Variants in CMYA5 observed in about 807,000 individuals in gnomAD.
CMYA5 encodes the protein cardiomyopathy associated 5.
A neutral mutation model predicts 318.9 loss-of-function variants in CMYA5; 246 were observed. That is an observed-to-expected ratio of 0.77 (90% confidence interval 0.70 to 0.86). The LOEUF (loss-of-function observed/expected upper bound fraction) is 0.86. Ranked by LOEUF, CMYA5 falls within the 40% of genes least tolerant of loss-of-function variation. The pLI is 0.00. For synonymous variants in CMYA5, 1,641 were observed against 1,729.5 expected (o/e 0.95, Z 1.27); for missense variants, 4,589 against 4,678.2 (o/e 0.98, Z 0.56).
At position 79,699,179 on chromosome 5, in the gene CMYA5, A is replaced by AAC. The variant is rs1827130648; in HGVS notation, c.149+9124_149+9125insCA. On this transcript the variant is annotated intron_variant, in intron 1 of 12. Coordinates refer to ENST00000446378, the MANE Select transcript of CMYA5 (RefSeq NM_153610.5). ...TCTCAAACAACAACAACAACAACAA[A>AAC]AAAAGAAAAGAAAAAGAGAAAAGAA... 8.1e-5 allele frequency among the ~76,000 whole-genome samples: 12 copies of AAC among 148,862 alleles called. No individual in the cohort carries two copies. The South Asian group carries it at 2.0e-3, about 24-fold the overall frequency.
chr5:79,739,521 G>C, intron 2 of CMYA5, 118 bp downstream of exon 2: 3 of 830,724 alleles, frequency 3.6e-6, no homozygotes, highest in Non-Finnish European at 5.1e-6. Flanking sequence ...AAGCAGAATG[G>C]TCTGAAAGCA....
chr5:79,755,030 G>A (rs1287914172), intron 6 of CMYA5, among the ~76,000 whole-genome samples: 1 of 152,028 alleles, frequency 6.6e-6, no homozygotes, highest in African/African-American at 2.4e-5. Flanking sequence ...TCATCCATTG[G>A]TGGATACTTG....
intron 1 of CMYA5, among the ~76,000 whole-genome samples, chr5:79,713,292 A>ACC (rs1443581485): frequency 1.7e-3 from 95 of 56,930 alleles, no homozygotes; most frequent in African/African-American, 6.0e-3. Context: ...ACCCCGCTGC[A>ACC]CCCCGCCCCC....
intron 1 of CMYA5, among the ~76,000 whole-genome samples, chr5:79,696,760 C>G (rs920252015): frequency 3.9e-5 from 6 of 152,264 alleles, no homozygotes; most frequent in Non-Finnish European, 7.4e-5. Context: ...AATCCCAGCA[C>G]TTAGGGAGGC....
In CMYA5 at chr5:79,739,188, C is replaced by G. The variant is rs1228888262; in HGVS notation, c.10423C>G (p.Pro3475Ala). The change falls in exon 2 of 13, where the codon CCT becomes GCT. Residue 3475 changes from proline to alanine, a missense_variant. By Grantham distance (27) the Pro-to-Ala change is conservative (BLOSUM62 -1). Coordinates refer to ENST00000446378, the MANE Select transcript of CMYA5 (RefSeq NM_153610.5). ...TGCGAGTGAGGCAGAACAAAGTACACCTGCTGAACAAAAAGAGTTGGGCAG... is the reference window on the plus strand; with the variant it reads ...TGCGAGTGAGGCAGAACAAAGTACAGCTGCTGAACAAAAAGAGTTGGGCAG... ...EFASEAEQST[P>A]AEQKELGSER... is the part of the protein sequence containing the mutation. 3.7e-6 allele frequency: 6 copies of G among 1,613,308 alleles called. No individual in the cohort carries two copies. In the East Asian group the frequency reaches 1.3e-4, roughly 36 times the overall value.
At chr5:79,741,698 T>C (rs1341715724) in intron 2 of CMYA5, among the ~76,000 whole-genome samples, 4 of 152,186 alleles carry the variant, frequency 2.6e-5, no homozygotes, top group Non-Finnish European at 5.9e-5. Context: ...TACTGAGCAC[T>C]GCCAGCAGAA....
Position 79,732,923 on chromosome 5 carries a change from A to C in CMYA5, c.4158A>C (p.Pro1386=). The C allele has an allele frequency of 3.1e-6, 5 of 1,613,784 alleles. No individual in the cohort carries two copies. The highest frequency in any genetic ancestry group is 4.2e-6 in the Non-Finnish European group (5 of 1,179,808). Residue 1386 remains proline (P), a synonymous_variant, in exon 2 of 13, where the codon CCA becomes CCC. Coordinates refer to ENST00000446378, the MANE Select transcript of CMYA5 (RefSeq NM_153610.5). ...CTCTTATCACTCCTGTAGATCGTCC[A>C]GTCTTAACAAAAGTAGGAAAGGGTG... ...DSSLITPVDR[P]VLTKVGKGEL...
chr5:79,702,562 G>C (rs1050656952), intron 1 of CMYA5, among the ~76,000 whole-genome samples: 1 of 152,102 alleles, frequency 6.6e-6, no homozygotes, highest in East Asian at 1.9e-4. Context: ...AATCTGTAGA[G>C]ACCCAGAGTA....
At chr5:79,722,335 T>G (rs1827655883) in intron 1 of CMYA5, among the ~76,000 whole-genome samples, 1 of 152,206 alleles carries the variant, frequency 6.6e-6, no homozygotes, top group Admixed American at 6.5e-5. Context: ...AGCACATGTC[T>G]TGACTTCACA....
At chr5:79,750,840 ATAGG>A (rs1426721886) in intron 5 of CMYA5, among the ~76,000 whole-genome samples, 1 of 152,210 alleles carries the variant, frequency 6.6e-6, no homozygotes, top group Non-Finnish European at 1.5e-5. Context: ...TTAAACTGGA[ATAGG>A]TTCGGTGCAT....
rs746975336 is a variant in CMYA5, at chr5:79,738,719, G to A, written c.9954G>A (p.Ala3318=). The part of the protein sequence containing the change: ...VDHVETVGNV[A]MQKKAPITED... ...ATGTGGAGACCGTTGGTAACGTAGC[G>A]ATGCAGAAGAAAGCTCCCATCACAG... Residue 3318 remains alanine, a synonymous_variant, in exon 2 of 13, where the codon GCG becomes GCA. Transcript: ENST00000446378. 33 of 1,613,796 alleles carry A rather than the reference G, an allele frequency of 2.0e-5. No homozygotes were observed. The highest frequency in any genetic ancestry group is 2.7e-5 in the African/African-American group (2 of 74,894).
At chr5:79,751,822 G>C (rs1828435271) in intron 5 of CMYA5, among the ~76,000 whole-genome samples, 1 of 152,198 alleles carries the variant, frequency 6.6e-6, no homozygotes, top group Admixed American at 6.5e-5. Flanking sequence ...GGAGGGGGCA[G>C]GCAAGGCTGT....
At chr5:79,727,682 T>C (rs1827776070) in intron 1 of CMYA5, among the ~76,000 whole-genome samples, 2 of 151,772 alleles carry the variant, frequency 1.3e-5, no homozygotes, top group South Asian at 4.2e-4. Context: ...CCTTAAGGAG[T>C]AGGTAGAATT....
intron 5 of CMYA5, among the ~76,000 whole-genome samples, chr5:79,747,341 C>T (rs961953275): frequency 5.9e-5 from 9 of 152,226 alleles, no homozygotes; most frequent in African/African-American, 2.2e-4. Context: ...TTTTTAACTG[C>T]TTCCTCAAGA....
At chr5:79,714,974 A>G (rs1827485411) in intron 1 of CMYA5, among the ~76,000 whole-genome samples, 1 of 152,144 alleles carries the variant, frequency 6.6e-6, no homozygotes, top group South Asian at 2.1e-4. Context: ...AAATGTTACT[A>G]ATTAACTGGG....
intron 1 of CMYA5, among the ~76,000 whole-genome samples, chr5:79,722,550 G>A (rs1038943866): frequency 4.6e-5 from 7 of 151,958 alleles, no homozygotes; most frequent in South Asian, 2.1e-4. Flanking sequence ...GGCGGCGCAT[G>A]CCTGTAATCC....
At chr5:79,766,529 T>G (rs2151096126) in intron 9 of CMYA5, among the ~76,000 whole-genome samples, 1 of 152,362 alleles carries the variant, frequency 6.6e-6, no homozygotes, top group African/African-American at 2.4e-5. Flanking sequence ...TGTTGAATTT[T>G]ATTGAAGGCC....
At chr5:79,690,088 C>T in intron 1 of CMYA5, 32 bp downstream of exon 1, 8 of 1,397,126 alleles carry the variant, frequency 5.7e-6, no homozygotes, top group Non-Finnish European at 7.5e-6. Flanking sequence ...GGCCCAGGGC[C>T]TGCAGGGCAG....
rs200447834 is a variant in CMYA5 at position 79,729,746 on chromosome 5, T to C, written c.981T>C (p.Tyr327=). ...GTCATGAAGATCAAAAGAAAATTTA[T>C]GCTGATTCTCCCCTAAATGCCACAT... ...MFSHEDQKKI[Y]ADSPLNATSA... is the part of the protein sequence containing the mutation. The change falls in exon 2 of 13, where the codon TAT becomes TAC. Residue 327 remains tyrosine, a synonymous_variant. Coordinates refer to ENST00000446378, the MANE Select transcript of CMYA5 (RefSeq NM_153610.5). 28 of 1,613,978 alleles carry C rather than the reference T, an allele frequency of 1.7e-5. No homozygotes were observed. The East Asian group carries it at 4.9e-4, about 28-fold the overall frequency.
Sources: gnomAD v4.1 joint callset for allele counts (sites outside exome capture counted in the v4.1 genomes callset) on GRCh38, gnomAD v4.1.1 for gene constraint, MANE v1.5 for transcripts, NCBI Gene and HGNC (gene_info 2026-07-23, HGNC 2026-07-21) for gene names.